The following RGS3 variants were observed in gnomAD, a reference collection of about 807,000 sequenced individuals.
The protein encoded by RGS3 is regulator of G-protein signalling 3.
RGS3 carries 80 observed loss-of-function variants against 132.6 expected under a neutral mutation model. That is an observed-to-expected ratio of 0.60 (90% CI 0.50 to 0.73). RGS3 has a LOEUF of 0.73. Among genes scored for constraint, RGS3 ranks in the 30% least tolerant of loss-of-function variants. RGS3 has a pLI of 0.00. For missense variants in RGS3, 1,382 were observed against 1,530.8 expected (o/e 0.90, Z 1.62); for synonymous variants, 598 against 620.6 (o/e 0.96, Z 0.54).
chr9:113,587,553 T>C (rs1027124866), intron 20 of RGS3, among the ~76,000 whole-genome samples: 21 of 152,192 alleles, frequency 1.4e-4, no homozygotes, highest in African/African-American at 5.1e-4. Context: ...CAGGGCGCAG[T>C]ACGTAGAAAG....
chr9:113,587,561 A>G lies in RGS3; in HGVS notation c.3015+3134A>G, dbSNP rs1243400123. On this transcript the variant is annotated intron_variant, in intron 20 of 24. Coordinates refer to ENST00000350696, the Ensembl canonical transcript of RGS3. The stretch of plus-strand genomic sequence containing the variant: ...AGGGTTCCAGGGCGCAGTACGTAGA[A>G]AGCTTGGGCTGGTCATTTGTGCTGC... Among the ~76,000 whole-genome samples the G allele has an allele frequency of 2.6e-5, 4 of 152,148 alleles. No individual in the cohort carries two copies. In the East Asian group the frequency reaches 7.7e-4, roughly 29 times the overall value.
chr9:113,488,238 AAGAC>A, intron 7 of RGS3, among the ~76,000 whole-genome samples: 1 of 152,304 alleles, frequency 6.6e-6, no homozygotes, highest in East Asian at 1.9e-4. Flanking sequence ...GTCTCCACCT[AAGAC>A]AGAGTTACTG....
upstream of RGS3, among the ~76,000 whole-genome samples, chr9:113,458,105 C>T (rs1277783000): frequency 2.0e-5 from 3 of 152,142 alleles, no homozygotes; most frequent in East Asian, 5.8e-4. Context: ...TCAGTAGAGA[C>T]GGGGTTTCAC....
At chr9:113,448,169 C>CT (rs1323871543) in intron 1 of RGS3, among the ~76,000 whole-genome samples, 1 of 152,038 alleles carries the variant, frequency 6.6e-6, no homozygotes, top group Admixed American at 6.6e-5. Context: ...AACCCCTGAT[C>CT]TTTACCCCGA....
At chr9:113,479,211 A>G in intron 3 of RGS3, 2 of 448,064 alleles carry the variant, frequency 4.5e-6, no homozygotes, top group East Asian at 7.6e-5. Context: ...GAGATTTCCC[A>G]GCATCCACCT....
intron 15 of RGS3, 187 bp from the exon 14 acceptor site, chr9:113,517,341 CCACAGGACAGCAG>C: frequency 1.5e-6 from 1 of 684,404 alleles, no homozygotes; most frequent in Non-Finnish European, 2.7e-6. Flanking sequence ...AGCAACAGTT[CCACAGGACAGCAG>C]CGTCTCTCTT....
exon 4 of RGS3, chr9:113,479,541 A>G: frequency 1.9e-6 from 3 of 1,614,030 alleles, no homozygotes; most frequent in Non-Finnish European, 2.5e-6. Context: ...GCTGCTTCAC[A>G]GTGAGTACGG....
At chr9:113,469,794 G>A (rs902328459) in intron 3 of RGS3, among the ~76,000 whole-genome samples, 1 of 151,462 alleles carries the variant, frequency 6.6e-6, no homozygotes, top group Non-Finnish European at 1.5e-5. Context: ...GGGATTTTCT[G>A]GTAATATTTT....
intron 4 of RGS3, among the ~76,000 whole-genome samples, chr9:113,481,388 A>G (rs1830154424): frequency 1.3e-5 from 2 of 152,172 alleles, no homozygotes; most frequent in African/African-American, 4.8e-5. Flanking sequence ...TCCTGCCCTC[A>G]AGAACCACGC....
Position 113,507,661 on chromosome 9 carries a change from A to G in RGS3, c.1437+23A>G. The G allele has an allele frequency of 6.9e-7, 1 of 1,444,302 alleles. No homozygotes were observed. Among genetic ancestry groups the G allele is most frequent in the Non-Finnish European group, 9.1e-7 (1 of 1,092,936 alleles). 89.5% of individuals were successfully genotyped at this position (1,444,302 alleles called of 1,614,324 possible). A position where few individuals can be genotyped will look rare whatever the true frequency, so the allele number is the denominator to read the frequency against. ...CAGGTACGGACAGCTGGTGTGGGGA[A>G]GGTGAAGGGTACTGGGTCCCTGTGG... On this transcript the variant is annotated intron_variant, in intron 13 of 24. Coordinates refer to ENST00000350696, the Ensembl canonical transcript of RGS3. This position sits in a 1 kb window ranked among gnomAD's most constrained non-coding sequence, Gnocchi z 5.0.
intron 17 of RGS3, among the ~76,000 whole-genome samples, chr9:113,528,123 A>G (rs916790183): frequency 2.6e-5 from 4 of 152,216 alleles, no homozygotes; most frequent in African/African-American, 9.6e-5. Flanking sequence ...TGGGAAGCAT[A>G]AGGAACAGTG....
chr9:113,539,342 C>T lies in RGS3; in HGVS notation c.2037+2424C>T, dbSNP rs549238257. 3.0e-4 allele frequency among the ~76,000 whole-genome samples: 46 copies of T among 152,336 alleles called. 1 individual carries two copies. Among genetic ancestry groups the T allele is most frequent in the Admixed American group, 3.0e-3 (46 of 15,300 alleles). On this transcript the variant is annotated intron_variant, in intron 19 of 24. Coordinates refer to ENST00000350696, the Ensembl canonical transcript of RGS3. ...CGATTTGCTCTGAGATGGAGTGTCG[C>T]TCTGTCACCCAGGCTGGGGTGCAGT...
rs201923769 is a variant in RGS3, at chr9:113,591,420, T to G, written c.3080+23T>G. ...CCTGTACGTTGGGAAGATCCCTGGCTTCTGCGCTCCTCTTCCTCCCTTGCC... is the reference window on the plus strand; with the variant it reads ...CCTGTACGTTGGGAAGATCCCTGGCGTCTGCGCTCCTCTTCCTCCCTTGCC... On this transcript the variant is annotated intron_variant, in intron 21 of 24. Coordinates refer to ENST00000350696, the Ensembl canonical transcript of RGS3. The surrounding 1 kb of genome is among the most constrained non-coding windows in gnomAD (Gnocchi z 4.4). 6.6e-4 allele frequency: 1,063 copies of G among 1,605,868 alleles called. 2 individuals are homozygous for G. Among genetic ancestry groups the G allele is most frequent in the Non-Finnish European group, 8.5e-4 (994 of 1,173,130 alleles).
At chr9:113,467,963 G>A (rs1588136398) in intron 3 of RGS3, among the ~76,000 whole-genome samples, 1 of 152,282 alleles carries the variant, frequency 6.6e-6, no homozygotes, top group East Asian at 1.9e-4. Context: ...AGGGACTCAA[G>A]CGATCTCCTG....
intron 19 of RGS3, among the ~76,000 whole-genome samples, chr9:113,545,442 CTT>C: frequency 6.6e-6 from 1 of 152,192 alleles, no homozygotes; most frequent in East Asian, 1.9e-4. Flanking sequence ...GATGCAGACT[CTT>C]CTCCCTAAAA....
At position 113,506,383 on chromosome 9, in the gene RGS3, T is replaced by C; in HGVS notation, c.980-5T>C. On this transcript the variant is annotated splice_polypyrimidine_tract_variant and splice_region_variant and intron_variant, in intron 11 of 24. Coordinates refer to ENST00000350696, the Ensembl canonical transcript of RGS3. The surrounding 1 kb of genome is among the most constrained non-coding windows in gnomAD (Gnocchi z 4.7). Reference sequence around the variant, plus strand: ...CCCCTGAATGGCTTTTCTTTGTCCCTGCAGGGGGTCCGGCGGAACGGGCAG... The same window carrying C: ...CCCCTGAATGGCTTTTCTTTGTCCCCGCAGGGGGTCCGGCGGAACGGGCAG... 1 of 1,577,286 alleles carries C rather than the reference T, an allele frequency of 6.3e-7. No individual in the cohort carries two copies. Among genetic ancestry groups the C allele is most frequent in the Non-Finnish European group, 8.6e-7 (1 of 1,161,382 alleles).
intron 19 of RGS3, chr9:113,582,315 C>T (rs748596858): frequency 5.9e-6 from 4 of 673,644 alleles, no homozygotes; most frequent in Non-Finnish European, 7.3e-6. Flanking sequence ...AATGAGAGCT[C>T]TTAACCCATG....
At chr9:113,533,573 T>C (rs1192608538) in intron 18 of RGS3, among the ~76,000 whole-genome samples, 1 of 152,168 alleles carries the variant, frequency 6.6e-6, no homozygotes, top group Non-Finnish European at 1.5e-5. Context: ...AAAGGAATTA[T>C]TAGTAAGGCA....
At chr9:113,583,544 C>T (rs1159022918) in exon 20 of RGS3, 6 of 1,614,234 alleles carry the variant, frequency 3.7e-6, no homozygotes, top group Non-Finnish European at 4.2e-6. Flanking sequence ...AAGGAGCCCT[C>T]TCCTGGCCAG....
Sources: allele counts gnomAD v4.1 joint callset (sites outside exome capture counted in the v4.1 genomes callset), GRCh38; gene constraint gnomAD v4.1.1; non-coding constraint Gnocchi (gnomAD v3.1); transcripts MANE v1.5; gene names NCBI Gene and HGNC (gene_info 2026-07-23, HGNC 2026-07-21).